The following HIVEP3 variants were observed in gnomAD, a reference collection of about 807,000 sequenced individuals.
The protein encoded by HIVEP3 is transcription factor HIVEP3.
In HIVEP3, 49 loss-of-function variants were observed where a neutral mutation model predicts 152.8. That is an observed-to-expected ratio of 0.32 (90% CI 0.26 to 0.41). The LOEUF is 0.41. HIVEP3 is among the 10% of genes least tolerant of loss of function. The pLI is 1.00. For synonymous variants in HIVEP3, 1,269 were observed against 1,289.0 expected (o/e 0.98, Z 0.33); for missense variants, 2,790 against 3,103.3 (o/e 0.90, Z 2.40).
At chr1:41,775,710 A>C (rs1386312313) in intron 1 of HIVEP3, among the ~76,000 whole-genome samples, 1 of 151,962 alleles carries the variant, frequency 6.6e-6, no homozygotes, top group Non-Finnish European at 1.5e-5. Flanking sequence ...GGCTGGTCTT[A>C]AACTCCTGAT....
At chr1:41,528,792 TCA>T (rs758300268) in intron 5 of HIVEP3, among the ~76,000 whole-genome samples, 1 of 91,804 alleles carries the variant, frequency 1.1e-5, no homozygotes, top group Admixed American at 1.1e-4. Flanking sequence ...ACCCCCACCC[TCA>T]CACTCACCTT....
At chr1:41,911,014 AT>A (rs1186897253) in intron 1 of HIVEP3, among the ~76,000 whole-genome samples, 1 of 152,146 alleles carries the variant, frequency 6.6e-6, no homozygotes, top group Non-Finnish European at 1.5e-5. Context: ...GATAAATTTT[AT>A]TACATTGAAA....
chr1:41,510,209 G>A lies in HIVEP3; in HGVS notation c.*242C>T, dbSNP rs557180236. On this transcript the variant is annotated 3_prime_UTR_variant, in exon 9 of 9. Coordinates refer to ENST00000372583, the MANE Select transcript of HIVEP3 (RefSeq NM_024503.5). ...AACTATTCACAGCCTCAGACTCCTC[G>A]TGGGTTGTTGTTTTTTTTTTAAATG... 31 of 366,448 alleles carry A rather than the reference G, an allele frequency of 8.5e-5. No individual in the cohort carries two copies. The South Asian group carries it at 2.1e-3, about 25-fold the overall frequency. The allele number at this position is 366,448 out of a possible 1,614,324, so 22.7% of individuals were successfully genotyped here.
intron 1 of HIVEP3, among the ~76,000 whole-genome samples, chr1:41,738,159 G>A (rs1646945832): frequency 6.6e-6 from 1 of 152,232 alleles, no homozygotes; most frequent in Non-Finnish European, 1.5e-5. Flanking sequence ...ATGTGGAGAA[G>A]GCCTGCCCCA....
chr1:41,720,387 C>A (rs6698845), intron 1 of HIVEP3, among the ~76,000 whole-genome samples: 1 of 152,130 alleles, frequency 6.6e-6, no homozygotes, highest in Non-Finnish European at 1.5e-5. Flanking sequence ...CGGGAATAGC[C>A]TTGGGTCTGT....
At chr1:41,821,440 T>A (rs1389507441) in intron 1 of HIVEP3, among the ~76,000 whole-genome samples, 1 of 152,186 alleles carries the variant, frequency 6.6e-6, no homozygotes. Context: ...TTTGGGCCTA[T>A]GTCAAGCATC....
chr1:41,869,242 C>T (rs1644035942), intron 1 of HIVEP3, among the ~76,000 whole-genome samples: 1 of 152,178 alleles, frequency 6.6e-6, no homozygotes, highest in Non-Finnish European at 1.5e-5. Flanking sequence ...TTAAGGAGGT[C>T]ACCCCCTCAC....
At chr1:41,952,890 T>C (rs1557537047) in intron 1 of HIVEP3, among the ~76,000 whole-genome samples, 1 of 152,160 alleles carries the variant, frequency 6.6e-6, no homozygotes, top group Non-Finnish European at 1.5e-5. Context: ...TCCCCTCTTT[T>C]CTTAGAAGGT....
chr1:41,961,834 T>C (rs902673758), intron 1 of HIVEP3, among the ~76,000 whole-genome samples: 2 of 152,248 alleles, frequency 1.3e-5, no homozygotes, highest in Non-Finnish European at 2.9e-5. Flanking sequence ...AGCATCTCTA[T>C]CCCGGAAAAT....
At chr1:41,987,893 C>T (rs569360250) in intron 1 of HIVEP3, among the ~76,000 whole-genome samples, 15 of 152,222 alleles carry the variant, frequency 9.9e-5, no homozygotes, top group African/African-American at 2.9e-4. Context: ...GGGAAAGAGC[C>T]TCACACTTAT....
intron 1 of HIVEP3, among the ~76,000 whole-genome samples, chr1:41,811,105 T>G (rs1334597232): frequency 6.6e-6 from 1 of 152,084 alleles, no homozygotes; most frequent in Non-Finnish European, 1.5e-5. Flanking sequence ...AGATTTTTTT[T>G]TTTTTTGTAC....
intron 1 of HIVEP3, among the ~76,000 whole-genome samples, chr1:41,785,551 T>G (rs1053657185): frequency 5.3e-5 from 8 of 152,152 alleles, no homozygotes; most frequent in African/African-American, 1.9e-4. Flanking sequence ...TAAAATGGAA[T>G]ATTGAGAAGT....
At chr1:41,575,418 C>T (rs1434512341) in intron 5 of HIVEP3, 126 bp downstream of exon 5, 9 of 951,336 alleles carry the variant, frequency 9.5e-6, no homozygotes, top group South Asian at 9.3e-5. Flanking sequence ...TGAAAGGCAT[C>T]GCTGGGACCA....
chr1:41,903,653 C>T lies in HIVEP3; in HGVS notation c.-801+14760G>A, dbSNP rs572395992. On this transcript the variant is annotated intron_variant, in intron 1 of 8. Coordinates refer to ENST00000372583, the MANE Select transcript of HIVEP3 (RefSeq NM_024503.5). ...CTTGTTTCTTGAAGCCAGATGCAAC[C>T]AAGCTAAGCCTGAACCAAGAGTTGA... Among the ~76,000 whole-genome samples the T allele has an allele frequency of 7.2e-5, 11 of 152,330 alleles. No individual in the cohort carries two copies. In the South Asian group the frequency reaches 2.3e-3, roughly 32 times the overall value.
At chr1:42,020,912 G>A (rs1174077237) in intron 1 of HIVEP3, among the ~76,000 whole-genome samples, 2 of 152,170 alleles carry the variant, frequency 1.3e-5, no homozygotes, top group African/African-American at 2.4e-5. Context: ...AAGGCCCTAA[G>A]GTAGACATGT....
intron 1 of HIVEP3, among the ~76,000 whole-genome samples, chr1:41,857,633 C>T (rs1643804596): frequency 6.6e-6 from 1 of 152,142 alleles, no homozygotes. Context: ...ACCCACTCCA[C>T]ACCAAGCAAT....
intron 3 of HIVEP3, among the ~76,000 whole-genome samples, chr1:41,602,290 A>AT (rs1049428817): frequency 6.6e-6 from 1 of 151,792 alleles, no homozygotes; most frequent in Non-Finnish European, 1.5e-5. Flanking sequence ...CTCCTCTTCA[A>AT]TTTTTTTTGG....
chr1:41,582,543 T>A lies in HIVEP3; in HGVS notation c.2255A>T (p.Glu752Val), dbSNP rs747058029. 1.1e-5 allele frequency: 17 copies of A among 1,611,450 alleles called. No individual in the cohort carries two copies. The South Asian group carries it at 1.9e-4, about 18-fold the overall frequency. Residue 752 changes from glutamate (E) to valine (V), a missense_variant, in exon 4 of 9, where the codon GAG becomes GTG. Coordinates refer to ENST00000372583, the MANE Select transcript of HIVEP3 (RefSeq NM_024503.5). This position sits in a 1 kb window ranked among gnomAD's most constrained non-coding sequence, Gnocchi z 4.7. The stretch of plus-strand genomic sequence containing the variant: ...TGGTTCTGCTGGTGACTTGGTGGAC[T>A]CCAGGGGAAGGTTCCGAGCAGCATC... Reference protein sequence around the residue: ...PSDAARNLPLESTKSPAEPSK... With the variant: ...PSDAARNLPLVSTKSPAEPSK...
At chr1:41,910,591 T>A (rs923643618) in intron 1 of HIVEP3, among the ~76,000 whole-genome samples, 1 of 151,972 alleles carries the variant, frequency 6.6e-6, no homozygotes, top group Non-Finnish European at 1.5e-5. Flanking sequence ...TGAAGATAGA[T>A]ATAAAACTTC....
Sources: allele counts gnomAD v4.1 joint callset (sites outside exome capture counted in the v4.1 genomes callset), GRCh38; gene constraint gnomAD v4.1.1; non-coding constraint Gnocchi (gnomAD v3.1); transcripts MANE v1.5; gene names NCBI Gene and HGNC (gene_info 2026-07-23, HGNC 2026-07-21).